FYCO1: variants seen among roughly 807,000 people sequenced by gnomAD.
The protein encoded by FYCO1 is FYVE and coiled-coil domain autophagy adaptor 1.
A neutral mutation model predicts 165.1 loss-of-function variants in FYCO1; 122 were observed. The observed-to-expected ratio is 0.74, with a 90% CI of 0.64 to 0.86. FYCO1 has a LOEUF of 0.86. FYCO1 is among the 40% of genes least tolerant of loss of function. The probability of loss-of-function intolerance (pLI) is 0.00; values close to 1 mark genes in which losing one functional copy is unlikely to be tolerated. For missense variants in FYCO1, 1,702 were observed against 1,810.3 expected, an observed-to-expected ratio of 0.94 and a Z score of 1.09; for synonymous variants, 648 against 742.5, an observed-to-expected ratio of 0.87 and a Z score of 2.07.
In FYCO1 at chr3:45,975,342, G is replaced by A. The variant is rs758686800; in HGVS notation, c.292C>T (p.Arg98Ter). 2 of 1,613,464 alleles carry A rather than the reference G, an allele frequency of 1.2e-6. No homozygotes were observed. Among genetic ancestry groups the A allele is most frequent in the African/African-American group, 1.3e-5 (1 of 75,016 alleles). Residue 98 changes from arginine (R) to a stop codon, truncating the protein, a stop_gained, in exon 5 of 18, where the codon CGA (arginine) becomes TGA (stop). Transcript: ENST00000296137. LOFTEE classifies it high-confidence loss of function. ...IRFVKSISEL[R>*]TSLGKGRAFI... ...GCTCTTCCTTTCCCCAAGGATGTTC[G>A]GAGCTGGAAAAAGCAGATTACATAG...
At chr3:45,941,971 G>C (rs966208532) in intron 14 of FYCO1, among the ~76,000 whole-genome samples, 1 of 152,234 alleles carries the variant, frequency 6.6e-6, no homozygotes, top group African/African-American at 2.4e-5. Flanking sequence ...GGCTCAGTCT[G>C]TTCCTTTATT....
chr3:45,994,665 C>A (rs1707710196), intron 1 of FYCO1, among the ~76,000 whole-genome samples: 1 of 151,702 alleles, frequency 6.6e-6, no homozygotes, highest in Admixed American at 6.6e-5. Flanking sequence ...CCCACACCAG[C>A]CCCCAACACC....
chr3:45,927,722 T>C (rs940550453), intron 16 of FYCO1, among the ~76,000 whole-genome samples: 8 of 152,354 alleles, frequency 5.3e-5, no homozygotes, highest in Non-Finnish European at 1.0e-4. Context: ...GGGTTGGTTC[T>C]GTTTCTGTGA....
Position 45,920,850 on chromosome 3 carries a change from T to C in FYCO1, c.*915A>G, listed in dbSNP as rs1703065634. On this transcript the variant is annotated 3_prime_UTR_variant, in exon 18 of 18. Coordinates refer to ENST00000296137, the MANE Select transcript of FYCO1 (RefSeq NM_024513.4). ...ACATGTCTGCAGGTGGGGCAGAAGC[T>C]CTTATTTATATAAACAAAAGTGGGC... 1 of 152,652 alleles carries C rather than the reference T, an allele frequency of 6.6e-6. No individual in the cohort carries two copies. The highest frequency in any genetic ancestry group is 6.5e-5 in the Admixed American group (1 of 15,282). The allele number at this position is 152,652 out of a possible 1,614,324, so 9.5% of individuals were successfully genotyped here.
At chr3:45,931,021 G>C (rs1273613249) in intron 16 of FYCO1, 50 bp downstream of exon 16, 1 of 1,561,100 alleles carries the variant, frequency 6.4e-7, no homozygotes, top group Non-Finnish European at 8.8e-7. Flanking sequence ...GCCTGCCCAA[G>C]TACCCAGATG....
intron 4 of FYCO1, among the ~76,000 whole-genome samples, chr3:45,979,273 A>C (rs1706927447): frequency 6.6e-6 from 1 of 152,372 alleles, no homozygotes; most frequent in South Asian, 2.1e-4. Context: ...TTGAGATCCC[A>C]CATCATTCTT....
intron 15 of FYCO1, among the ~76,000 whole-genome samples, chr3:45,934,626 C>T (rs1703795582): frequency 6.6e-6 from 1 of 152,234 alleles, no homozygotes; most frequent in Non-Finnish European, 1.5e-5. Flanking sequence ...GTATGCAAGG[C>T]TGGTTTGATA....
rs745471800 is a variant in FYCO1 at position 45,921,785 on chromosome 3, C to T, written c.4417G>A (p.Asp1473Asn). 55 of 1,611,162 alleles carry T rather than the reference C, an allele frequency of 3.4e-5. No homozygotes were observed. Among genetic ancestry groups the T allele is most frequent in the East Asian group, 1.6e-4 (7 of 44,882 alleles). The change falls in exon 18 of 18, where the codon GAT (aspartate) becomes AAT (asparagine). Residue 1473 changes from aspartate to asparagine, a missense_variant. Transcript: ENST00000296137. ...HLTVDRPVIYDGSDFL is the reference protein window; with the variant it reads ...HLTVDRPVIYNGSDFL ...TGAAGCTACAGGAAATCACTTCCAT[C>T]GTAGATCACAGGCCGATCAACCGTC... is the stretch of plus-strand genomic sequence containing the variant.
chr3:45,964,246 C>A lies in FYCO1; in HGVS notation c.3269+90G>T. 1 of 1,046,306 alleles carries A rather than the reference C, an allele frequency of 9.6e-7. No homozygotes were observed. The highest frequency in any genetic ancestry group is 1.5e-6 in the Non-Finnish European group (1 of 664,588). 64.8% of individuals were successfully genotyped at this position (1,046,306 alleles called of 1,614,324 possible). On this transcript the variant is annotated intron_variant, in intron 10 of 17. Transcript: ENST00000296137. This position sits in a 1 kb window ranked among gnomAD's most constrained non-coding sequence, Gnocchi z 4.1. Reference sequence around the variant, plus strand: ...TTTCTTGCAAAAGGACTTCCTAAACCTAATATGAGTGACTGACTTTCTAAA... The same window carrying A: ...TTTCTTGCAAAAGGACTTCCTAAACATAATATGAGTGACTGACTTTCTAAA...
chr3:45,972,087 G>A (rs1706477829), intron 6 of FYCO1, among the ~76,000 whole-genome samples: 1 of 152,176 alleles, frequency 6.6e-6, no homozygotes, highest in African/African-American at 2.4e-5. Context: ...CAGGGTGAAG[G>A]ATAGATGAGT....
chr3:45,950,182 G>C (rs759179723), intron 14 of FYCO1, among the ~76,000 whole-genome samples: 2 of 152,060 alleles, frequency 1.3e-5, no homozygotes, highest in African/African-American at 2.4e-5. Context: ...AGAGGCCTTG[G>C]GGGAGGGGAT....
intron 1 of FYCO1, among the ~76,000 whole-genome samples, chr3:45,986,008 G>A (rs1214076187): frequency 6.6e-6 from 1 of 152,246 alleles, no homozygotes. Context: ...GCAGGGCTCT[G>A]TTACGTGCTT....
intron 3 of FYCO1, among the ~76,000 whole-genome samples, 158 bp downstream of exon 3, chr3:45,981,412 T>C (rs928948124): frequency 1.4e-4 from 21 of 152,310 alleles, no homozygotes; most frequent in African/African-American, 3.6e-4. Context: ...ACTTGGAGGA[T>C]TGAGCTGGCA....
chr3:45,979,789 C>T lies in FYCO1; in HGVS notation c.204G>A (p.Lys68=). The change falls in exon 4 of 18, where the codon AAG becomes AAA. Residue 68 remains lysine, a synonymous_variant. Coordinates refer to ENST00000296137, the MANE Select transcript of FYCO1 (RefSeq NM_024513.4). ...AGGCACAGAAGTAATCCCAGTAGTC[C>T]TTCTTGTTGCCCAGGAGGGTGGCCT... The part of the protein sequence containing the change: ...KEKATLLGNK[K]DYWDYFCACL... The T allele has an allele frequency of 1.2e-6, 2 of 1,614,066 alleles. No homozygotes were observed. Among genetic ancestry groups the T allele is most frequent in the Non-Finnish European group, 8.5e-7 (1 of 1,179,960 alleles).
At chr3:45,949,517 C>G (rs992023634) in intron 14 of FYCO1, among the ~76,000 whole-genome samples, 1 of 152,190 alleles carries the variant, frequency 6.6e-6, no homozygotes, top group Non-Finnish European at 1.5e-5. Flanking sequence ...TCTGGGCTCA[C>G]TCTGACAGTG....
intron 12 of FYCO1, among the ~76,000 whole-genome samples, chr3:45,959,070 C>G (rs1575360866): frequency 1.3e-5 from 2 of 152,232 alleles, no homozygotes; most frequent in South Asian, 4.1e-4. Context: ...CTCTTGCTGG[C>G]TTCCAGTAAT....
At chr3:45,984,528 A>G (rs1223982684) in intron 2 of FYCO1, 1 of 455,228 alleles carries the variant, frequency 2.2e-6, no homozygotes, top group African/African-American at 2.0e-5. Context: ...AGAGCCCAGA[A>G]GTTTGGGATT....
rs113516581 is a variant in FYCO1, at chr3:45,962,398, G to A, written c.3270-6C>T. On this transcript the variant is annotated splice_polypyrimidine_tract_variant and splice_region_variant and intron_variant, in intron 10 of 17. Coordinates refer to ENST00000296137, the MANE Select transcript of FYCO1 (RefSeq NM_024513.4). The surrounding 1 kb of genome is among the most constrained non-coding windows in gnomAD (Gnocchi z 4.4). ...TTTCGAGTTCCTTCTGGGTCCTGGG[G>A]GAGGAGTGGTAAGTTTTCTTGATTA... The A allele has an allele frequency of 5.0e-6, 8 of 1,613,980 alleles. No individual in the cohort carries two copies. The African/African-American group carries it at 5.3e-5, about 11-fold the overall frequency.
rs186081479 is a variant in FYCO1, at chr3:45,958,753, C to T, written c.3588-134G>A. On this transcript the variant is annotated intron_variant, in intron 12 of 17. Coordinates refer to ENST00000296137, the MANE Select transcript of FYCO1 (RefSeq NM_024513.4). ...GCTCTGCCCCCAAGTTAGGATGTGG[C>T]CATGAGCTCATTTCATAAGATTCCA... 8.4e-4 allele frequency: 678 copies of T among 810,046 alleles called. 1 individual carries two copies. Among genetic ancestry groups the T allele is most frequent in the Non-Finnish European group, 1.0e-3 (478 of 470,296 alleles). 50.2% of individuals were successfully genotyped at this position (810,046 alleles called of 1,614,324 possible).
Sources: gnomAD v4.1 joint callset for allele counts (sites outside exome capture counted in the v4.1 genomes callset) on GRCh38, gnomAD v4.1.1 for gene constraint, Gnocchi (gnomAD v3.1) non-coding constraint, MANE v1.5 for transcripts, NCBI Gene and HGNC (gene_info 2026-07-23, HGNC 2026-07-21) for gene names.